Variants in LHFPL3 observed in about 807,000 individuals in gnomAD.
LHFPL3 encodes the protein LHFPL tetraspan subfamily member 3 protein.
A neutral mutation model predicts 19.3 loss-of-function variants in LHFPL3; 5 were observed. That is an observed-to-expected ratio of 0.26 (90% CI 0.14 to 0.54). The LOEUF is 0.54. Among genes scored for constraint, LHFPL3 ranks in the 20% least tolerant of loss-of-function variants. The probability of loss-of-function intolerance (pLI) is 0.94; values close to 1 mark genes in which losing one functional copy is unlikely to be tolerated. For missense variants in LHFPL3, 249 were observed against 307.4 expected (o/e 0.81, Z 1.42); for synonymous variants, 133 against 126.2 (o/e 1.05, Z -0.36).
intron 2 of LHFPL3, chr7:104,845,548 C>A: frequency 8.6e-7 from 1 of 1,166,248 alleles, no homozygotes; most frequent in Non-Finnish European, 1.2e-6. Context: ...ACTTGAGCCG[C>A]ATGAAACTGC....
At chr7:104,836,558 G>A (rs1441836639) in intron 2 of LHFPL3, among the ~76,000 whole-genome samples, 1 of 152,302 alleles carries the variant, frequency 6.6e-6, no homozygotes, top group Non-Finnish European at 1.5e-5. Context: ...GAAGTAACAG[G>A]ATGAAAGCAG....
intron 1 of LHFPL3, among the ~76,000 whole-genome samples, chr7:104,356,943 G>A (rs1790289017): frequency 6.6e-6 from 1 of 152,218 alleles, no homozygotes; most frequent in Non-Finnish European, 1.5e-5. Context: ...AAAGGTTGGA[G>A]ACCTCTGGCC....
chr7:104,761,455 A>G lies in LHFPL3; in HGVS notation c.682+24544A>G, dbSNP rs952366652. On this transcript the variant is annotated intron_variant, in intron 2 of 2. Coordinates refer to ENST00000424859, the MANE Select transcript of LHFPL3 (RefSeq NM_199000.3). ...CAATAGGAGGAAAAGCCACCAGTTC[A>G]GTAAGTCACCAAAAATACCTGCCAT... Among the ~76,000 whole-genome samples, 8 of 152,292 alleles carry G rather than the reference A, an allele frequency of 5.3e-5. No individual in the cohort carries two copies. The South Asian group carries it at 1.2e-3, about 24-fold the overall frequency.
At chr7:104,365,794 A>AAAAAAAG (rs1359537709) in intron 1 of LHFPL3, among the ~76,000 whole-genome samples, 11 of 140,982 alleles carry the variant, frequency 7.8e-5, no homozygotes, top group African/African-American at 2.7e-4. Context: ...TCTCAAAAAA[A>AAAAAAAG]AAAAAAAAAA....
In LHFPL3 at chr7:104,355,350, T is replaced by C. The variant is rs1029281670; in HGVS notation, c.445+26126T>C. On this transcript the variant is annotated intron_variant, in intron 1 of 2. Transcript: ENST00000424859. ...GGTTGTATGCATTTCAGATCGTCTG[T>C]ACCTCTCCTGAGACGTCACACTTGG... 3.3e-5 allele frequency among the ~76,000 whole-genome samples: 5 copies of C among 152,312 alleles called. No homozygotes were observed. The South Asian group carries it at 1.0e-3, about 32-fold the overall frequency.
chr7:104,424,939 G>A lies in LHFPL3; in HGVS notation c.445+95715G>A, dbSNP rs187908894. ...AGAGCTTGCAGTGAGCGGAGATCAC[G>A]CCACTACACTCCAGCCTGGGCGACA... On this transcript the variant is annotated intron_variant, in intron 1 of 2. Coordinates refer to ENST00000424859, the MANE Select transcript of LHFPL3 (RefSeq NM_199000.3). Among the ~76,000 whole-genome samples, 1,143 of 135,012 alleles carry A rather than the reference G, an allele frequency of 8.5e-3. 2 individuals are homozygous for A. The highest frequency in any genetic ancestry group is 0.013 in the Non-Finnish European group (844 of 66,252). 88.6% of individuals were successfully genotyped at this position (135,012 alleles called of 152,430 possible). A position where few individuals can be genotyped will look rare whatever the true frequency, so the allele number is the denominator to read the frequency against.
chr7:104,665,996 C>T (rs1476796042), intron 1 of LHFPL3, among the ~76,000 whole-genome samples: 2 of 152,150 alleles, frequency 1.3e-5, no homozygotes, highest in Admixed American at 6.5e-5. Flanking sequence ...TTTACAAATC[C>T]TATTTACAAT....
At chr7:104,719,218 A>G (rs1793443560) in intron 1 of LHFPL3, among the ~76,000 whole-genome samples, 1 of 152,224 alleles carries the variant, frequency 6.6e-6, no homozygotes, top group African/African-American at 2.4e-5. Context: ...TAAGAAGGAG[A>G]AATTATTATA....
rs139170657 is a variant in LHFPL3 at position 104,714,469 on chromosome 7, A to G, written c.446-22206A>G. Among the ~76,000 whole-genome samples the G allele has an allele frequency of 5.4e-3, 824 of 152,246 alleles. 8 individuals are homozygous for G. The highest frequency in any genetic ancestry group is 0.018 in the African/African-American group (762 of 41,552). ...GGAAAGTCTGATGAGGAAAGGGAGC[A>G]AGAAATAAAGAAAAAAAAGAACTCA... is the stretch of plus-strand genomic sequence containing the variant. On this transcript the variant is annotated intron_variant, in intron 1 of 2. Coordinates refer to ENST00000424859, the MANE Select transcript of LHFPL3 (RefSeq NM_199000.3).
At chr7:104,864,438 G>A (rs187272497) in intron 2 of LHFPL3, among the ~76,000 whole-genome samples, 125 of 152,322 alleles carry the variant, frequency 8.2e-4, no homozygotes, top group Non-Finnish European at 9.3e-4. Context: ...CTTTTCCAGC[G>A]GTCTTAGCAA....
chr7:104,881,272 G>T (rs1379420823), intron 2 of LHFPL3, among the ~76,000 whole-genome samples: 3 of 152,010 alleles, frequency 2.0e-5, no homozygotes, highest in African/African-American at 7.3e-5. Context: ...AAACCTTCTG[G>T]AAAGTATTCT....
At chr7:104,870,372 CTG>C (rs1435473209) in intron 2 of LHFPL3, among the ~76,000 whole-genome samples, 6 of 152,174 alleles carry the variant, frequency 3.9e-5, no homozygotes, top group African/African-American at 1.4e-4. Context: ...CTTACCAACT[CTG>C]TGACCACAGG....
intron 2 of LHFPL3, among the ~76,000 whole-genome samples, chr7:104,837,930 C>T (rs1791128714): frequency 6.6e-6 from 1 of 152,180 alleles, no homozygotes. Context: ...GCTAGCATGC[C>T]TTCAATATAA....
intron 1 of LHFPL3, among the ~76,000 whole-genome samples, chr7:104,594,618 A>G (rs1463751553): frequency 6.6e-6 from 1 of 152,160 alleles, no homozygotes; most frequent in African/African-American, 2.4e-5. Flanking sequence ...CCTAGATAAT[A>G]TCCTGAATAG....
At chr7:104,715,270 C>A (rs1249457947) in intron 1 of LHFPL3, among the ~76,000 whole-genome samples, 3 of 152,170 alleles carry the variant, frequency 2.0e-5, no homozygotes, top group Non-Finnish European at 4.4e-5. Flanking sequence ...GAGTCTGATA[C>A]CCCCTTGAGT....
intron 1 of LHFPL3, among the ~76,000 whole-genome samples, chr7:104,536,874 C>T (rs1265388680): frequency 6.6e-6 from 1 of 152,176 alleles, no homozygotes. Flanking sequence ...ATTTCAATAA[C>T]AGGCAACACC....
chr7:104,387,029 G>C (rs977139368), intron 1 of LHFPL3, among the ~76,000 whole-genome samples: 5 of 152,070 alleles, frequency 3.3e-5, no homozygotes, highest in African/African-American at 7.2e-5. Flanking sequence ...TATACCAGAG[G>C]AAGCCAAAAT....
chr7:104,371,666 T>C (rs1790619232), intron 1 of LHFPL3, among the ~76,000 whole-genome samples: 1 of 151,934 alleles, frequency 6.6e-6, no homozygotes. Context: ...TTTATATGAG[T>C]CACAATGTAA....
In LHFPL3 at chr7:104,802,520, G is replaced by A. The variant is rs372795318; in HGVS notation, c.682+65609G>A. Reference sequence around the variant, plus strand: ...AAAAAAAAAAAAAAAAAAAAAGAGAGAGAGAGCAAGGGAAGGCAGCTTCCC... The same window carrying A: ...AAAAAAAAAAAAAAAAAAAAAGAGAAAGAGAGCAAGGGAAGGCAGCTTCCC... On this transcript the variant is annotated intron_variant, in intron 2 of 2. Coordinates refer to ENST00000424859, the MANE Select transcript of LHFPL3 (RefSeq NM_199000.3). 7.1e-3 allele frequency among the ~76,000 whole-genome samples: 994 copies of A among 140,002 alleles called. 12 individuals are homozygous for A. The highest frequency in any genetic ancestry group is 0.024 in the African/African-American group (945 of 39,080). 91.8% of individuals were successfully genotyped at this position (140,002 alleles called of 152,430 possible).
Sources: allele counts gnomAD v4.1 joint callset (sites outside exome capture counted in the v4.1 genomes callset), GRCh38; gene constraint gnomAD v4.1.1; transcripts MANE v1.5; gene names NCBI Gene and HGNC (gene_info 2026-07-23, HGNC 2026-07-21).